JUND: variants seen among roughly 807,000 people sequenced by gnomAD.
JUND encodes the protein JunD proto-oncogene, AP-1 transcription factor subunit.
JUND carries 2 observed loss-of-function variants against 7.1 expected under a neutral mutation model. The ratio of observed to expected loss-of-function variants is 0.28; its 90% CI spans 0.11 to 0.88. The LOEUF (loss-of-function observed/expected upper bound fraction) is 0.88. Among genes scored for constraint, JUND ranks in the 40% least tolerant of loss-of-function variants. The pLI, the probability that JUND is intolerant of heterozygous loss-of-function variation, is 0.60. For synonymous variants in JUND, 335 were observed against 263.2 expected, an observed-to-expected ratio of 1.27 and a Z score of -2.64; for missense variants, 479 against 519.1, an observed-to-expected ratio of 0.92 and a Z score of 0.75.
In JUND at chr19:18,280,458, G is replaced by C. The variant is rs1239983276; in HGVS notation, c.1027C>G (p.Gln343Glu). The C allele has an allele frequency of 3.8e-6, 6 of 1,562,558 alleles. No homozygotes were observed. The highest frequency in any genetic ancestry group is 5.2e-6 in the Non-Finnish European group (6 of 1,154,180). ...GCGCGGACTCAGTACGCGGGCACCT[G>C]GTGCTGGGGCAGCAGCTGGCAGCCG... ...NSGCQLLPQH[Q>E]VPAY Residue 343 changes from glutamine to glutamate, a missense_variant, in exon 1 of 1, where the codon CAG becomes GAG. Physicochemically the swap from Gln to Glu is conservative, Grantham distance 29. Coordinates refer to ENST00000252818, the MANE Select transcript of JUND (RefSeq NM_005354.6). This position sits in a 1 kb window ranked among gnomAD's most constrained non-coding sequence, Gnocchi z 4.1.
Position 18,280,169 on chromosome 19 carries a change from A to C in JUND, c.*272T>G. 2.5e-6 allele frequency: 1 copy of C among 396,986 alleles called. No homozygotes were observed. The highest frequency in any genetic ancestry group is 4.6e-6 in the Non-Finnish European group (1 of 219,514). The allele number at this position is 396,986 out of a possible 1,614,324, so 24.6% of individuals were successfully genotyped here. A position where few individuals can be genotyped will look rare whatever the true frequency, so the allele number is the denominator to read the frequency against. ...CAGCCGAGACGCGCGGGTTTGTGCA[A>C]CACGGGGCGGCCGCGCGGGGGAAAG... On this transcript the variant is annotated 3_prime_UTR_variant, in exon 1 of 1. Transcript: ENST00000252818. This position sits in a 1 kb window ranked among gnomAD's most constrained non-coding sequence, Gnocchi z 4.1.
rs1969899031 is a variant in JUND, at chr19:18,279,825, GA to G, written c.*615del. Reference sequence around the variant, plus strand: ...ACCAAGGATTACAAACAGGAATGTGGACTCGTAGCAAAACAAAACAAAACAG... The same window carrying G: ...ACCAAGGATTACAAACAGGAATGTGGCTCGTAGCAAAACAAAACAAAACAG... On this transcript the variant is annotated 3_prime_UTR_variant, in exon 1 of 1. Coordinates refer to ENST00000252818, the MANE Select transcript of JUND (RefSeq NM_005354.6). 6.6e-6 allele frequency: 1 copy of G among 150,594 alleles called. No homozygotes were observed. The highest frequency in any genetic ancestry group is 2.5e-5 in the African/African-American group (1 of 40,668). 9.3% of individuals were successfully genotyped at this position (150,594 alleles called of 1,614,324 possible). A position where few individuals can be genotyped will look rare whatever the true frequency, so the allele number is the denominator to read the frequency against.
chr19:18,280,424 G>A lies in JUND; in HGVS notation c.*17C>T. ...CCCCTTGGGGAGGGTGGCCGCGCATGCGCCCCGCGCGCGGACTCAGTACGC... is the reference window on the plus strand; with the variant it reads ...CCCCTTGGGGAGGGTGGCCGCGCATACGCCCCGCGCGCGGACTCAGTACGC... On this transcript the variant is annotated 3_prime_UTR_variant, in exon 1 of 1. Coordinates refer to ENST00000252818, the MANE Select transcript of JUND (RefSeq NM_005354.6). The surrounding 1 kb of genome is among the most constrained non-coding windows in gnomAD (Gnocchi z 4.1). 1 of 1,543,516 alleles carries A rather than the reference G, an allele frequency of 6.5e-7. No homozygotes were observed. Among genetic ancestry groups the A allele is most frequent in the Non-Finnish European group, 8.7e-7 (1 of 1,146,198 alleles).
In JUND at chr19:18,281,438, C is replaced by T. The variant is rs1969947993; in HGVS notation, c.47G>A (p.Gly16Asp). 2.2e-6 allele frequency: 3 copies of T among 1,366,090 alleles called. No individual in the cohort carries two copies. The highest frequency in any genetic ancestry group is 1.5e-5 in the African/African-American group (1 of 65,122). 84.6% of individuals were successfully genotyped at this position (1,366,090 alleles called of 1,614,324 possible). The change falls in exon 1 of 1, where the codon GGC becomes GAC. Residue 16 changes from glycine to aspartate, a missense_variant. By Grantham distance (94) the Gly-to-Asp change is moderately conservative. Coordinates refer to ENST00000252818, the MANE Select transcript of JUND (RefSeq NM_005354.6). Reference protein sequence around the residue: ...YGDEALSGLGGGASGSGGSFA... With the variant: ...YGDEALSGLGDGASGSGGSFA... ...GCTGCCGCCGCTGCCACTGGCGCCGCCGCCCAGGCCGCTCAGCGCCTCATC... is the reference window on the plus strand; with the variant it reads ...GCTGCCGCCGCTGCCACTGGCGCCGTCGCCCAGGCCGCTCAGCGCCTCATC...
chr19:18,280,623 G>A lies in JUND; in HGVS notation c.862C>T (p.Arg288Cys). 1 of 1,612,958 alleles carries A rather than the reference G, an allele frequency of 6.2e-7. No homozygotes were observed. Among genetic ancestry groups the A allele is most frequent in the Non-Finnish European group, 8.5e-7 (1 of 1,179,796 alleles). ...AGGCGCGAGATGCGCTCCAGCTTGC[G>A]CTTGCGGCACTTGGAGGCGGCGATG... The part of the protein sequence containing the change: ...NRIAASKCRK[R>C]KLERISRLEE... Residue 288 changes from arginine to cysteine, a missense_variant, in exon 1 of 1, where the codon CGC becomes TGC. Around this residue, in one of 3 missense-constraint regions of JUND, gnomAD observed 63 missense variants for 116.6 expected, o/e 0.54. Transcript: ENST00000252818. The surrounding 1 kb of genome is among the most constrained non-coding windows in gnomAD (Gnocchi z 4.1).
At position 18,280,970 on chromosome 19, in the gene JUND, G is replaced by A; in HGVS notation, c.515C>T (p.Thr172Met). The A allele has an allele frequency of 9.2e-7, 1 of 1,083,178 alleles. No homozygotes were observed. The highest frequency in any genetic ancestry group is 1.1e-6 in the Non-Finnish European group (1 of 899,618). The allele number at this position is 1,083,178 out of a possible 1,614,324, so 67.1% of individuals were successfully genotyped here. A position where few individuals can be genotyped will look rare whatever the true frequency, so the allele number is the denominator to read the frequency against. ...AAAAAGGPSG[T>M]ATGSAPPGEL... ...GCCGGGGGGCGCGGAGCCCGTGGCCGTGCCCGAGGGCCCCCCGGCGGCGGC... is the reference window on the plus strand; with the variant it reads ...GCCGGGGGGCGCGGAGCCCGTGGCCATGCCCGAGGGCCCCCCGGCGGCGGC... The change falls in exon 1 of 1, where the codon ACG becomes ATG. Residue 172 changes from threonine to methionine, a missense_variant. This residue lies in a region of JUND where 374 missense variants were observed against 365.4 expected (regional missense o/e 1.02). Coordinates refer to ENST00000252818, the MANE Select transcript of JUND (RefSeq NM_005354.6). The surrounding 1 kb of genome is among the most constrained non-coding windows in gnomAD (Gnocchi z 4.1).
In JUND at chr19:18,281,127, T is replaced by C. The variant is rs1210453121; in HGVS notation, c.358A>G (p.Ser120Gly). ...ACCTTGGGGTAGAGGAACTGTGAGC[T>C]CGTCGGCGTGGTGGTGACCAGCCCG... Reference protein sequence around the residue: ...SNGLVTTTPTSSQFLYPKVAA... With the variant: ...SNGLVTTTPTGSQFLYPKVAA... The change falls in exon 1 of 1, where the codon AGC (serine) becomes GGC (glycine). Residue 120 changes from serine (S) to glycine (G), a missense_variant. This residue lies in a region of JUND where 374 missense variants were observed against 365.4 expected (regional missense o/e 1.02). Transcript: ENST00000252818. 1 of 1,579,300 alleles carries C rather than the reference T, an allele frequency of 6.3e-7. No individual in the cohort carries two copies. The highest frequency in any genetic ancestry group is 2.4e-5 in the East Asian group (1 of 41,570).
In JUND at chr19:18,281,501, C is replaced by T; in HGVS notation, c.-17G>A. Reference sequence around the variant, plus strand: ...TGTTTCCATCCTCCGCCTCCCCCGCCGCGCCGGCCCGGGGGGGAGTGGCCG... The same window carrying T: ...TGTTTCCATCCTCCGCCTCCCCCGCTGCGCCGGCCCGGGGGGGAGTGGCCG... On this transcript the variant is annotated 5_prime_UTR_variant, in exon 1 of 1. Coordinates refer to ENST00000252818, the MANE Select transcript of JUND (RefSeq NM_005354.6). 4 of 1,259,014 alleles carry T rather than the reference C, an allele frequency of 3.2e-6. No individual in the cohort carries two copies. The highest frequency in any genetic ancestry group is 4.0e-6 in the Non-Finnish European group (4 of 1,003,710). The allele number at this position is 1,259,014 out of a possible 1,614,324, so 78.0% of individuals were successfully genotyped here.
chr19:18,279,941 A>G lies in JUND; in HGVS notation c.*500T>C, dbSNP rs1182502710. Reference sequence around the variant, plus strand: ...CGGAGAATTTTTTTTTCTTCTTCCCATTTCTTTAAAAAACCAACACAAGAA... The same window carrying G: ...CGGAGAATTTTTTTTTCTTCTTCCCGTTTCTTTAAAAAACCAACACAAGAA... On this transcript the variant is annotated 3_prime_UTR_variant, in exon 1 of 1. Coordinates refer to ENST00000252818, the MANE Select transcript of JUND (RefSeq NM_005354.6). The G allele has an allele frequency of 6.5e-6, 1 of 154,614 alleles. No homozygotes were observed. The highest frequency in any genetic ancestry group is 2.4e-5 in the African/African-American group (1 of 41,284). 9.6% of individuals were successfully genotyped at this position (154,614 alleles called of 1,614,324 possible). A position where few individuals can be genotyped will look rare whatever the true frequency, so the allele number is the denominator to read the frequency against.
rs1343902436 is a variant in JUND, at chr19:18,281,497, C to T, written c.-13G>A. ...AGGGTGTTTCCATCCTCCGCCTCCC[C>T]CGCCGCGCCGGCCCGGGGGGGAGTG... On this transcript the variant is annotated 5_prime_UTR_variant, in exon 1 of 1. Transcript: ENST00000252818. 4 of 1,269,878 alleles carry T rather than the reference C, an allele frequency of 3.1e-6. No homozygotes were observed. The highest frequency in any genetic ancestry group is 1.6e-5 in the African/African-American group (1 of 63,468). 78.7% of individuals were successfully genotyped at this position (1,269,878 alleles called of 1,614,324 possible).
rs1568288627 is a variant in JUND at position 18,281,253 on chromosome 19, CGCCG to C, written c.228_231del (p.Asp76GlufsTer20). 1 of 1,465,846 alleles carries C rather than the reference CGCCG, an allele frequency of 6.8e-7. No individual in the cohort carries two copies. The highest frequency in any genetic ancestry group is 9.0e-7 in the Non-Finnish European group (1 of 1,113,394). The allele number at this position is 1,465,846 out of a possible 1,614,324, so 90.8% of individuals were successfully genotyped here. A position where few individuals can be genotyped will look rare whatever the true frequency, so the allele number is the denominator to read the frequency against. ...CCGTCGGGGGGTGCCGCGCTGGGGG[CGCCG>C]TCGGCGCGCAGGGGGGTAGGAGGCG... On this transcript the variant is annotated frameshift_variant, in exon 1 of 1. Transcript: ENST00000252818. LOFTEE classifies it low-confidence loss of function (END_TRUNC).
Position 18,281,173 on chromosome 19 carries a change from C to G in JUND, c.312G>C (p.Glu104Asp). 2 of 1,559,204 alleles carry G rather than the reference C, an allele frequency of 1.3e-6. No individual in the cohort carries two copies. Among genetic ancestry groups the G allele is most frequent in the Non-Finnish European group, 1.7e-6 (2 of 1,161,490 alleles). Residue 104 changes from glutamate to aspartate, a missense_variant, in exon 1 of 1, where the codon GAG becomes GAC. Transcript: ENST00000252818. ...GCCCGTTGGACTGGATGATGAGGCG[C>G]TCGAGCTCGGGGGAGGCCAGCTTCA... ...GLLKLASPEL[E>D]RLIIQSNGLV...
At position 18,280,783 on chromosome 19, in the gene JUND, CGGCGGCCCCAACGCGCCTGGGGGT is replaced by C. The variant is rs778211306; in HGVS notation, c.678_701del (p.Pro227_Pro234del). Reference sequence around the variant, plus strand: ...GCTCGTCCTTGAGCGCAGCCAGGCGCGGCGGCCCCAACGCGCCTGGGGGTGGCGGCGGCGGGAAGGGCACAGGTT... The same window carrying C: ...GCTCGTCCTTGAGCGCAGCCAGGCGCGGCGGCGGCGGGAAGGGCACAGGTT... On this transcript the variant is annotated inframe_deletion, in exon 1 of 1. Coordinates refer to ENST00000252818, the MANE Select transcript of JUND (RefSeq NM_005354.6). The surrounding 1 kb of genome is among the most constrained non-coding windows in gnomAD (Gnocchi z 4.1). 2.3e-5 allele frequency: 37 copies of C among 1,589,834 alleles called. No homozygotes were observed. In the African/African-American group the frequency reaches 3.3e-4, roughly 14 times the overall value.
In JUND at chr19:18,281,250, G is replaced by C. The variant is rs1247953617; in HGVS notation, c.235C>G (p.Pro79Ala). 12 of 1,470,524 alleles carry C rather than the reference G, an allele frequency of 8.2e-6. No homozygotes were observed. The highest frequency in any genetic ancestry group is 1.5e-5 in the African/African-American group (1 of 67,864). 91.1% of individuals were successfully genotyped at this position (1,470,524 alleles called of 1,614,324 possible). The change falls in exon 1 of 1, where the codon CCC (proline) becomes GCC (alanine). Residue 79 changes from proline to alanine, a missense_variant. This residue lies in a region of JUND where 374 missense variants were observed against 365.4 expected (regional missense o/e 1.02). Transcript: ENST00000252818. ...AGGCCGTCGGGGGGTGCCGCGCTGG[G>C]GGCGCCGTCGGCGCGCAGGGGGGTA... ...PPTPLRADGA[P>A]SAAPPDGLLA...
rs1969944795 is a variant in JUND at position 18,281,324 on chromosome 19, A to T, written c.161T>A (p.Leu54Gln). ...MMKKDALTLS[L>Q]SEQVAAALKP... The stretch of plus-strand genomic sequence containing the variant: ...GAGCGCTGCCGCCACCTGCTCACTC[A>T]GGCTCAGCGTCAGCGCGTCCTTCTT... Residue 54 changes from leucine to glutamine, a missense_variant, in exon 1 of 1, where the codon CTG becomes CAG. Leu to Gln is a moderately radical substitution (Grantham distance 113). This residue lies in a region of JUND where 374 missense variants were observed against 365.4 expected (regional missense o/e 1.02). Transcript: ENST00000252818. The T allele has an allele frequency of 1.5e-6, 2 of 1,359,420 alleles. No individual in the cohort carries two copies. Among genetic ancestry groups the T allele is most frequent in the Non-Finnish European group, 1.9e-6 (2 of 1,065,686 alleles). 84.2% of individuals were successfully genotyped at this position (1,359,420 alleles called of 1,614,324 possible).
chr19:18,280,270 C>CCCCTTCCGAGT lies in JUND; in HGVS notation c.*170_*171insACTCGGAAGGG, dbSNP rs1969914718. Reference sequence around the variant, plus strand: ...GGTCCAGCTTGTCGAGTCCTGGGCACCCTCGGGGGGGGGGAATCCCCGGGG... The same window carrying CCCCTTCCGAGT: ...GGTCCAGCTTGTCGAGTCCTGGGCACCCCTTCCGAGTCCTCGGGGGGGGGGAATCCCCGGGG... On this transcript the variant is annotated 3_prime_UTR_variant, in exon 1 of 1. Coordinates refer to ENST00000252818, the MANE Select transcript of JUND (RefSeq NM_005354.6). This position sits in a 1 kb window ranked among gnomAD's most constrained non-coding sequence, Gnocchi z 4.1. 2 of 571,810 alleles carry CCCCTTCCGAGT rather than the reference C, an allele frequency of 3.5e-6. No individual in the cohort carries two copies. Among genetic ancestry groups the CCCCTTCCGAGT allele is most frequent in the Non-Finnish European group, 5.5e-6 (2 of 361,584 alleles). The allele number at this position is 571,810 out of a possible 1,614,324, so 35.4% of individuals were successfully genotyped here.
Position 18,281,320 on chromosome 19 carries a change from A to G in JUND, c.165T>C (p.Ser55=). 1 of 1,370,214 alleles carries G rather than the reference A, an allele frequency of 7.3e-7. No homozygotes were observed. The highest frequency in any genetic ancestry group is 9.3e-7 in the Non-Finnish European group (1 of 1,071,608). 84.9% of individuals were successfully genotyped at this position (1,370,214 alleles called of 1,614,324 possible). ...MKKDALTLSL[S]EQVAAALKPA... ...GCTTGAGCGCTGCCGCCACCTGCTCACTCAGGCTCAGCGTCAGCGCGTCCT... is the reference window on the plus strand; with the variant it reads ...GCTTGAGCGCTGCCGCCACCTGCTCGCTCAGGCTCAGCGTCAGCGCGTCCT... Residue 55 remains serine, a synonymous_variant, in exon 1 of 1, where the codon AGT becomes AGC. Coordinates refer to ENST00000252818, the MANE Select transcript of JUND (RefSeq NM_005354.6).
In JUND at chr19:18,281,544, C is replaced by CGCGCCCCCCCGTCCGCTCGGCCCT. The variant is rs1448585121; in HGVS notation, c.-84_-61dup. On this transcript the variant is annotated 5_prime_UTR_variant, in exon 1 of 1. Coordinates refer to ENST00000252818, the MANE Select transcript of JUND (RefSeq NM_005354.6). ...AGTGGCCGCGGCCTCCCGGGGGGCC[C>CGCGCCCCCCCGTCCGCTCGGCCCT]GCGCCCCCCCGTCCGCTCGGCCCTG... is the stretch of plus-strand genomic sequence containing the variant. 1.2e-6 allele frequency: 1 copy of CGCGCCCCCCCGTCCGCTCGGCCCT among 853,228 alleles called. No individual in the cohort carries two copies. Among genetic ancestry groups the CGCGCCCCCCCGTCCGCTCGGCCCT allele is most frequent in the East Asian group, 5.4e-5 (1 of 18,626 alleles). The allele number at this position is 853,228 out of a possible 1,614,324, so 52.9% of individuals were successfully genotyped here.
In JUND at chr19:18,281,518, G is replaced by GA; in HGVS notation, c.-35dup. 8.4e-7 allele frequency: 1 copy of GA among 1,183,622 alleles called. No individual in the cohort carries two copies. The highest frequency in any genetic ancestry group is 1.1e-6 in the Non-Finnish European group (1 of 949,988). 73.3% of individuals were successfully genotyped at this position (1,183,622 alleles called of 1,614,324 possible). On this transcript the variant is annotated 5_prime_UTR_variant, in exon 1 of 1. Coordinates refer to ENST00000252818, the MANE Select transcript of JUND (RefSeq NM_005354.6). Reference sequence around the variant, plus strand: ...TCCCCCGCCGCGCCGGCCCGGGGGGGAGTGGCCGCGGCCTCCCGGGGGGCC... The same window carrying GA: ...TCCCCCGCCGCGCCGGCCCGGGGGGGAAGTGGCCGCGGCCTCCCGGGGGGCC...
Sources: gnomAD v4.1 joint callset for allele counts on GRCh38, gnomAD v4.1.1 for gene constraint, gnomAD v4.1.1 regional missense constraint, Gnocchi (gnomAD v3.1) non-coding constraint, MANE v1.5 for transcripts, NCBI Gene and HGNC (gene_info 2026-07-23, HGNC 2026-07-21) for gene names.